LRRC4C: variants seen among roughly 807,000 people sequenced by gnomAD.
LRRC4C encodes the protein leucine-rich repeat-containing protein 4C.
LRRC4C carries 5 observed loss-of-function variants against 33.6 expected under a neutral mutation model. The ratio of observed to expected loss-of-function variants is 0.15; its 90% CI spans 0.08 to 0.31. The LOEUF is 0.31. LRRC4C is among the 10% of genes least tolerant of loss of function. LRRC4C has a pLI of 1.00. For synonymous variants in LRRC4C, 329 were observed against 302.0 expected (o/e 1.09, Z -0.93); for missense variants, 560 against 796.7 (o/e 0.70, Z 3.58).
At chr11:40,367,532 T>G (rs967619870) in intron 3 of LRRC4C, among the ~76,000 whole-genome samples, 2 of 152,056 alleles carry the variant, frequency 1.3e-5, no homozygotes, top group African/African-American at 4.8e-5. Flanking sequence ...ACACTGACAA[T>G]CTGGATTAAG....
chr11:40,630,705 C>A (rs545528534), intron 3 of LRRC4C, among the ~76,000 whole-genome samples: 1 of 152,238 alleles, frequency 6.6e-6, no homozygotes, highest in Admixed American at 6.5e-5. Context: ...GATCCTTTAA[C>A]TATGAGTCTC....
intron 1 of LRRC4C, among the ~76,000 whole-genome samples, chr11:41,179,518 C>G (rs1364619691): frequency 2.0e-5 from 3 of 152,214 alleles, no homozygotes; most frequent in Admixed American, 2.0e-4. Context: ...ACCCCAACAA[C>G]AGTTATATAC....
At chr11:40,853,908 C>T (rs1953637671) in intron 2 of LRRC4C, among the ~76,000 whole-genome samples, 1 of 152,140 alleles carries the variant, frequency 6.6e-6, no homozygotes, top group Non-Finnish European at 1.5e-5. Context: ...GGACACATTT[C>T]ACTGATTTGC....
chr11:40,766,353 T>TAAAAAAAAAAAAAAAAAAAA (rs60152534), intron 2 of LRRC4C, among the ~76,000 whole-genome samples: 10 of 33,916 alleles, frequency 2.9e-4, no homozygotes, highest in African/African-American at 8.5e-4. Context: ...TTCAGTCTGT[T>TAAAAAAAAAAAAAAAAAAAA]AAAAAAAAAA....
chr11:40,915,920 T>C (rs1198263771), intron 2 of LRRC4C, among the ~76,000 whole-genome samples: 1 of 152,170 alleles, frequency 6.6e-6, no homozygotes, highest in African/African-American at 2.4e-5. Context: ...AGAAGACATT[T>C]ATGCAGCCAA....
At chr11:41,370,215 C>T (rs1370083474) in intron 1 of LRRC4C, among the ~76,000 whole-genome samples, 1 of 152,102 alleles carries the variant, frequency 6.6e-6, no homozygotes, top group Non-Finnish European at 1.5e-5. Flanking sequence ...GGGTCTCACT[C>T]TATCACCCAC....
chr11:40,540,256 G>C (rs1956650800), intron 3 of LRRC4C, among the ~76,000 whole-genome samples: 1 of 152,146 alleles, frequency 6.6e-6, no homozygotes, highest in Non-Finnish European at 1.5e-5. Flanking sequence ...TCAACTTTCT[G>C]TTGTAGCGCT....
chr11:41,027,308 G>GA (rs1856442789), intron 1 of LRRC4C, among the ~76,000 whole-genome samples: 1 of 151,624 alleles, frequency 6.6e-6, no homozygotes, highest in Non-Finnish European at 1.5e-5. Context: ...AGTACTACCG[G>GA]AGGGTACTTG....
At chr11:40,665,830 A>G (rs76266073) in intron 2 of LRRC4C, among the ~76,000 whole-genome samples, 92 of 152,256 alleles carry the variant, frequency 6.0e-4, no homozygotes, top group African/African-American at 2.1e-3. Flanking sequence ...TAGCCAGTCA[A>G]TTTAGCAAGT....
intron 1 of LRRC4C, among the ~76,000 whole-genome samples, chr11:41,133,155 C>T (rs564961755): frequency 4.6e-5 from 7 of 152,268 alleles, no homozygotes; most frequent in African/African-American, 1.7e-4. Context: ...CATAGCTTTT[C>T]ATCTCTTAGA....
At chr11:41,305,227 T>TGGG (rs1271452950) in intron 1 of LRRC4C, among the ~76,000 whole-genome samples, 1 of 30,836 alleles carries the variant, frequency 3.2e-5, no homozygotes, top group African/African-American at 8.6e-5. Flanking sequence ...GGGAGGGAGG[T>TGGG]GGGGGGGTCA....
intron 2 of LRRC4C, among the ~76,000 whole-genome samples, chr11:40,916,553 G>A (rs866723630): frequency 6.6e-6 from 1 of 152,044 alleles, no homozygotes; most frequent in Non-Finnish European, 1.5e-5. Flanking sequence ...GTTGTGGGGT[G>A]GTGGGAGGTG....
At chr11:41,415,946 G>C (rs903453844) in intron 1 of LRRC4C, among the ~76,000 whole-genome samples, 1 of 151,980 alleles carries the variant, frequency 6.6e-6, no homozygotes, top group Non-Finnish European at 1.5e-5. Flanking sequence ...AGGTGTGGTA[G>C]ATGTTAGCAG....
At chr11:40,242,465 G>A (rs1865994153) in intron 4 of LRRC4C, among the ~76,000 whole-genome samples, 1 of 152,144 alleles carries the variant, frequency 6.6e-6, no homozygotes, top group African/African-American at 2.4e-5. Context: ...AATGGTTTAA[G>A]TTTATAAAAT....
intron 5 of LRRC4C, among the ~76,000 whole-genome samples, chr11:40,197,603 A>G (rs1590682307): frequency 6.6e-6 from 1 of 152,070 alleles, no homozygotes; most frequent in African/African-American, 2.4e-5. Flanking sequence ...GTTCCACCAT[A>G]TTTTCCCTTT....
chr11:41,027,266 T>A (rs572343459), intron 1 of LRRC4C, among the ~76,000 whole-genome samples: 3 of 151,764 alleles, frequency 2.0e-5, no homozygotes, highest in East Asian at 1.9e-4. Context: ...TCATATCATG[T>A]CAAAAATTTC....
At chr11:40,279,872 T>A (rs1943354954) in intron 4 of LRRC4C, among the ~76,000 whole-genome samples, 1 of 152,208 alleles carries the variant, frequency 6.6e-6, no homozygotes, top group African/African-American at 2.4e-5. Context: ...CTTATGGGAC[T>A]ATGCTCTGGG....
chr11:40,990,231 TTATATATATA>T (rs761772952), intron 1 of LRRC4C, among the ~76,000 whole-genome samples: 2,674 of 78,240 alleles, frequency 0.034, 65 homozygotes, highest in African/African-American at 0.077. Context: ...ATGTCAAGTT[TTATATATATA>T]TATATATATA....
intron 2 of LRRC4C, among the ~76,000 whole-genome samples, chr11:40,783,058 T>A (rs1374783898): frequency 6.6e-6 from 1 of 152,150 alleles, no homozygotes; most frequent in African/African-American, 2.4e-5. Context: ...TCAAACAACA[T>A]ATTATTGGTT....
Sources: allele counts gnomAD v4.1 joint callset (sites outside exome capture counted in the v4.1 genomes callset), GRCh38; gene constraint gnomAD v4.1.1; transcripts MANE v1.5; gene names NCBI Gene and HGNC (gene_info 2026-07-23, HGNC 2026-07-21).